Variants in BABAM2 observed in about 807,000 individuals in gnomAD.
BABAM2 encodes BRISC and BRCA1 A complex member 2, also known as BRISC and BRCA1-A complex member 2.
Under a neutral mutation model 54.7 loss-of-function variants are expected in BABAM2, and 31 were observed. The observed-to-expected ratio is 0.57, with a 90% CI of 0.43 to 0.77. The LOEUF (loss-of-function observed/expected upper bound fraction) is 0.77. BABAM2 is among the 30% of genes least tolerant of loss of function. The pLI is 0.00. For missense variants in BABAM2, 364 were observed against 455.8 expected (o/e 0.80, Z 1.83); for synonymous variants, 167 against 162.9 (o/e 1.03, Z -0.19).
At chr2:28,047,337 A>AC (rs1677661246) in intron 6 of BABAM2, among the ~76,000 whole-genome samples, 1 of 152,190 alleles carries the variant, frequency 6.6e-6, no homozygotes, top group African/African-American at 2.4e-5. Flanking sequence ...TATACTCAGG[A>AC]CCTCCTCCAT....
intron 11 of BABAM2, among the ~76,000 whole-genome samples, chr2:28,299,896 C>G (rs889296150): frequency 1.3e-5 from 2 of 152,054 alleles, no homozygotes; most frequent in African/African-American, 4.8e-5. Context: ...TTCTGTAGTA[C>G]AAGACTTTCA....
intron 2 of BABAM2, among the ~76,000 whole-genome samples, chr2:27,917,378 C>G (rs1273147118): frequency 1.3e-5 from 2 of 152,014 alleles, no homozygotes; most frequent in African/African-American, 2.4e-5. Flanking sequence ...AACAAAATAC[C>G]TTAGACTTGG....
chr2:28,121,796 A>C (rs2148751636), intron 6 of BABAM2, among the ~76,000 whole-genome samples: 1 of 152,264 alleles, frequency 6.6e-6, no homozygotes, highest in African/African-American at 2.4e-5. Flanking sequence ...CCACTTGAAA[A>C]AACTTGATTA....
intron 10 of BABAM2, among the ~76,000 whole-genome samples, chr2:28,254,253 C>T (rs1683757035): frequency 6.6e-6 from 1 of 152,176 alleles, no homozygotes; most frequent in African/African-American, 2.4e-5. Flanking sequence ...TCTCCTGCCC[C>T]AGCCTCCCAA....
intron 6 of BABAM2, among the ~76,000 whole-genome samples, chr2:28,089,413 T>G (rs1418612067): frequency 1.3e-5 from 2 of 152,240 alleles, no homozygotes; most frequent in Admixed American, 6.5e-5. Flanking sequence ...CTGGAGGTCT[T>G]GAGGGCAGTT....
chr2:27,921,146 T>C (rs1286672345), intron 2 of BABAM2, among the ~76,000 whole-genome samples: 1 of 152,160 alleles, frequency 6.6e-6, no homozygotes, highest in East Asian at 1.9e-4. Flanking sequence ...TTTATATATA[T>C]AGTTTGCTAA....
intron 6 of BABAM2, among the ~76,000 whole-genome samples, chr2:28,081,376 AC>A (rs1665160450): frequency 6.6e-6 from 1 of 152,220 alleles, no homozygotes; most frequent in Non-Finnish European, 1.5e-5. Context: ...AGCCACACTT[AC>A]CTGATTCCCA....
intron 7 of BABAM2, among the ~76,000 whole-genome samples, chr2:28,172,301 C>CA: frequency 6.6e-6 from 1 of 152,134 alleles, no homozygotes; most frequent in East Asian, 1.9e-4. Flanking sequence ...TTTTTCTCAT[C>CA]AAAACAACAA....
intron 7 of BABAM2, among the ~76,000 whole-genome samples, chr2:28,132,321 G>C (rs1262433060): frequency 6.6e-6 from 1 of 151,802 alleles, no homozygotes; most frequent in African/African-American, 2.4e-5. Context: ...TGTATTTTTA[G>C]TAGAGACGGG....
intron 3 of BABAM2, among the ~76,000 whole-genome samples, chr2:27,942,792 A>T (rs1367124261): frequency 3.7e-4 from 1 of 2,718 alleles, no homozygotes; most frequent in Non-Finnish European, 6.6e-4. Context: ...TTCTTAAAAA[A>T]TTTATTTATT....
intron 6 of BABAM2, among the ~76,000 whole-genome samples, chr2:28,078,845 A>G (rs1664920667): frequency 6.6e-6 from 1 of 152,148 alleles, no homozygotes. Context: ...GTTTAGCATG[A>G]AGGCATTTCT....
chr2:28,290,906 A>G (rs1687231744), intron 10 of BABAM2, among the ~76,000 whole-genome samples: 1 of 152,250 alleles, frequency 6.6e-6, no homozygotes, highest in Admixed American at 6.5e-5. Flanking sequence ...AATAGTTAAA[A>G]TTTAAGAACC....
intron 4 of BABAM2, among the ~76,000 whole-genome samples, chr2:28,013,922 T>A (rs1387968658): frequency 3.9e-5 from 6 of 152,122 alleles, no homozygotes; most frequent in African/African-American, 1.4e-4. Context: ...ACTCTGCTTA[T>A]CGTTAAGATA....
At chr2:27,923,950 TGACAGCA>T (rs1420665525) in intron 2 of BABAM2, among the ~76,000 whole-genome samples, 1 of 152,054 alleles carries the variant, frequency 6.6e-6, no homozygotes, top group Non-Finnish European at 1.5e-5. Flanking sequence ...CCAGCTTGGG[TGACAGCA>T]AGACCGTGTT....
At chr2:28,137,695 T>A (rs1670675509) in intron 7 of BABAM2, among the ~76,000 whole-genome samples, 1 of 152,130 alleles carries the variant, frequency 6.6e-6, no homozygotes, top group South Asian at 2.1e-4. Context: ...GTTAGTGATA[T>A]CTCAGTGTTT....
At chr2:28,129,464 C>G in intron 7 of BABAM2, 84 bp downstream of exon 7, 1 of 1,178,494 alleles carries the variant, frequency 8.5e-7, no homozygotes, top group Non-Finnish European at 1.3e-6. Flanking sequence ...CTCTTGAACT[C>G]TTACATTTAT....
At chr2:28,170,642 A>T (rs770328733) in intron 7 of BABAM2, among the ~76,000 whole-genome samples, 1 of 152,162 alleles carries the variant, frequency 6.6e-6, no homozygotes, top group Non-Finnish European at 1.5e-5. Context: ...TCACATTTTT[A>T]AGAAGTTATT....
chr2:27,939,963 C>G (rs1004699843), intron 3 of BABAM2, among the ~76,000 whole-genome samples: 1 of 152,132 alleles, frequency 6.6e-6, no homozygotes, highest in Non-Finnish European at 1.5e-5. Context: ...TTCCTCAGGT[C>G]TTTTACTGTG....
chr2:27,924,200 T>C (rs967197380), intron 2 of BABAM2, among the ~76,000 whole-genome samples: 1 of 152,166 alleles, frequency 6.6e-6, no homozygotes, highest in Non-Finnish European at 1.5e-5. Context: ...CTTAGTGCTA[T>C]ATGACATTGG....
Sources: allele counts gnomAD v4.1 joint callset (sites outside exome capture counted in the v4.1 genomes callset), GRCh38; gene constraint gnomAD v4.1.1; transcripts MANE v1.5; gene names NCBI Gene and HGNC (gene_info 2026-07-23, HGNC 2026-07-21).